RAD51B: variants seen among roughly 807,000 people sequenced by gnomAD.
RAD51B encodes DNA repair protein RAD51 homolog 2.
In RAD51B, 38 loss-of-function variants were observed where a neutral mutation model predicts 42.2. That is an observed-to-expected ratio of 0.90 (90% CI 0.70 to 1.18). The LOEUF is 1.18. Among genes scored for constraint, RAD51B ranks in the 50% most tolerant of loss-of-function variants. The probability of loss-of-function intolerance (pLI) is 0.00; values close to 1 mark genes in which losing one functional copy is unlikely to be tolerated. For missense variants in RAD51B, 373 were observed against 400.7 expected (o/e 0.93, Z 0.59); for synonymous variants, 154 against 145.2 (o/e 1.06, Z -0.43).
intron 8 of RAD51B, among the ~76,000 whole-genome samples, chr14:68,313,486 G>T (rs1479917221): frequency 1.3e-5 from 2 of 152,208 alleles, no homozygotes; most frequent in African/African-American, 4.8e-5. Context: ...ACTCCCACCA[G>T]CTGAGTCGGG....
exon 11 of RAD51B, chr14:68,611,268 C>T (rs995147565): frequency 5.7e-6 from 4 of 702,046 alleles, no homozygotes; most frequent in East Asian, 2.7e-5. Context: ...TTTTTCACCA[C>T]GACTTCCAGA....
intron 9 of RAD51B, among the ~76,000 whole-genome samples, chr14:68,436,614 A>G (rs2085155013): frequency 2.0e-5 from 3 of 152,218 alleles, no homozygotes; most frequent in Middle Eastern, 3.4e-3. Flanking sequence ...TTTGCACAGT[A>G]TGGCCATTTT....
intron 7 of RAD51B, among the ~76,000 whole-genome samples, chr14:67,999,367 A>G (rs577453582): frequency 1.3e-5 from 2 of 152,306 alleles, no homozygotes; most frequent in Middle Eastern, 3.4e-3. Flanking sequence ...CTAGAGTGCT[A>G]TATGATACAT....
intron 10 of RAD51B, among the ~76,000 whole-genome samples, chr14:68,572,458 C>T (rs1889754322): frequency 6.6e-6 from 1 of 152,242 alleles, no homozygotes; most frequent in Non-Finnish European, 1.5e-5. Flanking sequence ...GCTCACTTGC[C>T]CTGAGCTGCC....
chr14:68,047,637 G>T (rs1330638674), intron 7 of RAD51B, among the ~76,000 whole-genome samples: 1 of 152,020 alleles, frequency 6.6e-6, no homozygotes, highest in Non-Finnish European at 1.5e-5. Flanking sequence ...CTCTCATTTT[G>T]AGTAATTATA....
chr14:68,271,152 A>G (rs922578657), intron 7 of RAD51B, among the ~76,000 whole-genome samples: 3 of 152,110 alleles, frequency 2.0e-5, no homozygotes, highest in Admixed American at 1.3e-4. Context: ...ATACTGTATC[A>G]TTTGTCATTT....
At chr14:68,516,702 A>G (rs1025013534) in intron 10 of RAD51B, among the ~76,000 whole-genome samples, 7 of 152,180 alleles carry the variant, frequency 4.6e-5, no homozygotes, top group African/African-American at 1.7e-4. Context: ...TCTGGCTTGT[A>G]CTCTGAATAG....
intron 7 of RAD51B, among the ~76,000 whole-genome samples, chr14:67,961,945 T>G (rs1291940871): frequency 2.0e-5 from 3 of 152,186 alleles, no homozygotes; most frequent in African/African-American, 7.2e-5. Flanking sequence ...TACATGTATA[T>G]GCACACATAC....
At chr14:68,348,463 G>A (rs1195119250) in intron 8 of RAD51B, among the ~76,000 whole-genome samples, 1 of 152,172 alleles carries the variant, frequency 6.6e-6, no homozygotes, top group African/African-American at 2.4e-5. Flanking sequence ...GGTTAAAATG[G>A]TTTATGCAAG....
At chr14:68,280,801 C>T (rs1290423524) in intron 7 of RAD51B, among the ~76,000 whole-genome samples, 1 of 152,140 alleles carries the variant, frequency 6.6e-6, no homozygotes, top group Admixed American at 6.5e-5. Flanking sequence ...CACCTGTAAA[C>T]CCAGCACTTT....
downstream of RAD51B, among the ~76,000 whole-genome samples, chr14:68,479,083 T>C (rs889569120): frequency 1.7e-4 from 26 of 152,004 alleles, no homozygotes; most frequent in Non-Finnish European, 3.7e-4. Flanking sequence ...GCAAGAAGGA[T>C]TTGGGTAGAC....
intron 10 of RAD51B, among the ~76,000 whole-genome samples, chr14:68,569,309 C>T (rs1185051986): frequency 6.6e-6 from 1 of 152,178 alleles, no homozygotes; most frequent in Non-Finnish European, 1.5e-5. Flanking sequence ...GAGTAAAGGC[C>T]TCTCTCTCCC....
intron 8 of RAD51B, among the ~76,000 whole-genome samples, chr14:68,310,932 T>C (rs1298135023): frequency 6.6e-6 from 1 of 152,122 alleles, no homozygotes; most frequent in Non-Finnish European, 1.5e-5. Flanking sequence ...ACCTCTTAAC[T>C]CCTCATCTCC....
intron 7 of RAD51B, among the ~76,000 whole-genome samples, chr14:68,243,444 C>T (rs2080433265): frequency 6.6e-6 from 1 of 152,206 alleles, no homozygotes; most frequent in Non-Finnish European, 1.5e-5. Context: ...TGAGTAACAT[C>T]GCTATTAAAT....
At chr14:68,215,414 T>C (rs903137391) in intron 7 of RAD51B, among the ~76,000 whole-genome samples, 11 of 152,218 alleles carry the variant, frequency 7.2e-5, no homozygotes, top group Admixed American at 3.9e-4. Flanking sequence ...AGAATGGAAC[T>C]CAGAGAGTGG....
At position 68,101,774 on chromosome 14, in the gene RAD51B, C is replaced by G. The variant is rs374466198; in HGVS notation, c.757-190110C>G. Among the ~76,000 whole-genome samples the G allele has an allele frequency of 5.9e-5, 9 of 152,322 alleles. 1 individual carries two copies. Among genetic ancestry groups the G allele is most frequent in the African/African-American group, 2.2e-4 (9 of 41,572 alleles). On this transcript the variant is annotated intron_variant, in intron 7 of 10. Transcript: ENST00000471583. ...ATCTGCCTTTCTCAGGTCTGGAGGA[C>G]AGTGGCCCTCTTCTCACAGCTCCAC... is the stretch of plus-strand genomic sequence containing the variant.
In RAD51B at chr14:68,531,912, G is replaced by C. The variant is rs146258435; in HGVS notation, c.1037-62573G>C. Among the ~76,000 whole-genome samples the C allele has an allele frequency of 7.2e-4, 110 of 152,294 alleles. 1 individual carries two copies. Among genetic ancestry groups the C allele is most frequent in the African/African-American group, 2.6e-3 (107 of 41,538 alleles). On this transcript the variant is annotated intron_variant, in intron 10 of 10. Coordinates refer to the RAD51B transcript ENST00000487270. The stretch of plus-strand genomic sequence containing the variant: ...GAGGGAGAATTGCTTGAGCCTGGGA[G>C]GTTGAAGCTGCAGTAAGACAAGGTG...
intron 8 of RAD51B, among the ~76,000 whole-genome samples, chr14:68,351,969 A>G (rs568207947): frequency 2.0e-5 from 3 of 152,234 alleles, no homozygotes; most frequent in South Asian, 2.1e-4. Flanking sequence ...AGTAATGAGG[A>G]TGGGGATGAA....
In RAD51B at chr14:68,101,572, C is replaced by T. The variant is rs569307958; in HGVS notation, c.757-190312C>T. ...TCAAATCTTAAAGTTCCGAAATGAT[C>T]TCCTTTGACTCCGTGTCTCATGTCT... On this transcript the variant is annotated intron_variant, in intron 7 of 10. Coordinates refer to ENST00000471583, the MANE Select transcript of RAD51B (RefSeq NM_133510.4). 6.6e-5 allele frequency among the ~76,000 whole-genome samples: 10 copies of T among 152,354 alleles called. No homozygotes were observed. In the South Asian group the frequency reaches 2.1e-3, roughly 32 times the overall value.
Sources: gnomAD v4.1 joint callset for allele counts (sites outside exome capture counted in the v4.1 genomes callset) on GRCh38, gnomAD v4.1.1 for gene constraint, MANE v1.5 for transcripts, NCBI Gene and HGNC (gene_info 2026-07-23, HGNC 2026-07-21) for gene names.